Variants in CNTNAP2 observed in about 807,000 individuals in gnomAD.
The protein encoded by CNTNAP2 is contactin-associated protein-like 2.
In CNTNAP2, 98 loss-of-function variants were observed where a neutral mutation model predicts 155.2. The observed-to-expected ratio is 0.63, with a 90% CI of 0.54 to 0.75. The LOEUF is 0.75. Ranked by LOEUF, CNTNAP2 falls within the 30% of genes least tolerant of loss-of-function variation. CNTNAP2 has a pLI of 0.00. For synonymous variants in CNTNAP2, 651 were observed against 631.2 expected, an observed-to-expected ratio of 1.03 and a Z score of -0.47; for missense variants, 1,727 against 1,688.1, an observed-to-expected ratio of 1.02 and a Z score of -0.40.
chr7:146,857,938 CTG>C (rs139166817), intron 3 of CNTNAP2, among the ~76,000 whole-genome samples: 10,102 of 152,186 alleles, frequency 0.066, 396 homozygotes, highest in South Asian at 0.12. Flanking sequence ...GTCAATAAAA[CTG>C]TGAATATGCT....
At chr7:147,165,317 A>C (rs1001736587) in intron 8 of CNTNAP2, among the ~76,000 whole-genome samples, 1 of 151,848 alleles carries the variant, frequency 6.6e-6, no homozygotes, top group Non-Finnish European at 1.5e-5. Flanking sequence ...TTGTCTCTTC[A>C]TGTCCTTATT....
At chr7:146,311,945 A>G (rs1800832343) in intron 1 of CNTNAP2, 4 of 152,144 alleles carry the variant, frequency 2.6e-5, no homozygotes. Context: ...AATATAAATC[A>G]TATTTAAACA....
intron 10 of CNTNAP2, among the ~76,000 whole-genome samples, chr7:147,461,609 T>C (rs1798026617): frequency 2.0e-5 from 3 of 152,190 alleles, no homozygotes; most frequent in Admixed American, 2.0e-4. Flanking sequence ...AATTCTTTTC[T>C]TGAAAGTAGT....
Position 147,363,154 on chromosome 7 carries a change from T to C in CNTNAP2, c.1499-32455T>C, listed in dbSNP as rs185461590. 4.7e-4 allele frequency among the ~76,000 whole-genome samples: 71 copies of C among 152,204 alleles called. 1 individual carries two copies. The highest frequency in any genetic ancestry group is 1.7e-3 in the African/African-American group (69 of 41,534). ...GGAAGGAAATTAGATTCAGATGATA[T>C]CATGAGAGTGTGGTCCTCATGATGG... On this transcript the variant is annotated intron_variant, in intron 9 of 23. Transcript: ENST00000361727.
At chr7:146,241,901 C>T (rs1188054264) in intron 1 of CNTNAP2, among the ~76,000 whole-genome samples, 1 of 151,808 alleles carries the variant, frequency 6.6e-6, no homozygotes, top group Non-Finnish European at 1.5e-5. Flanking sequence ...AAAAATACTA[C>T]CTAGAAGCCT....
intron 1 of CNTNAP2, among the ~76,000 whole-genome samples, chr7:146,435,985 C>A (rs1256354091): frequency 6.6e-6 from 1 of 152,080 alleles, no homozygotes; most frequent in Non-Finnish European, 1.5e-5. Context: ...GTATATTTAC[C>A]AGTATATACT....
At chr7:147,381,457 T>C (rs1796534713) in intron 9 of CNTNAP2, among the ~76,000 whole-genome samples, 1 of 152,186 alleles carries the variant, frequency 6.6e-6, no homozygotes, top group South Asian at 2.1e-4. Flanking sequence ...TTAGATATAC[T>C]AGCAGTTTGT....
intron 10 of CNTNAP2, among the ~76,000 whole-genome samples, chr7:147,422,676 C>T (rs996488323): frequency 6.6e-6 from 1 of 152,112 alleles, no homozygotes; most frequent in Non-Finnish European, 1.5e-5. Context: ...AGATAATTAA[C>T]TAAACTTAAT....
chr7:146,933,198 C>A (rs1399054803), intron 3 of CNTNAP2, among the ~76,000 whole-genome samples: 6 of 151,732 alleles, frequency 4.0e-5, no homozygotes, highest in Non-Finnish European at 7.4e-5. Flanking sequence ...TACTATAAGG[C>A]TACAGTAACC....
intron 1 of CNTNAP2, among the ~76,000 whole-genome samples, chr7:146,573,862 T>TA (rs1180540114): frequency 3.3e-5 from 5 of 152,188 alleles, no homozygotes; most frequent in Non-Finnish European, 7.3e-5. Flanking sequence ...CTTATTTTGT[T>TA]AAATAGGATT....
At chr7:147,551,527 G>A (rs751308942) in intron 11 of CNTNAP2, among the ~76,000 whole-genome samples, 21 of 152,120 alleles carry the variant, frequency 1.4e-4, no homozygotes, top group Non-Finnish European at 2.5e-4. Flanking sequence ...GCCACATTTA[G>A]CAATCATAGC....
chr7:147,766,587 T>G (rs1044634989), intron 13 of CNTNAP2, among the ~76,000 whole-genome samples: 1 of 151,860 alleles, frequency 6.6e-6, no homozygotes, highest in Non-Finnish European at 1.5e-5. Context: ...TGGAACTTTC[T>G]GGATTGTTTA....
intron 8 of CNTNAP2, among the ~76,000 whole-genome samples, chr7:147,291,366 T>C (rs1036776829): frequency 6.6e-6 from 1 of 152,116 alleles, no homozygotes; most frequent in Non-Finnish European, 1.5e-5. Flanking sequence ...TTCCCCTCCC[T>C]GTATCTATTT....
At chr7:146,476,427 A>G (rs998601089) in intron 1 of CNTNAP2, among the ~76,000 whole-genome samples, 1 of 152,354 alleles carries the variant, frequency 6.6e-6, no homozygotes, top group African/African-American at 2.4e-5. Flanking sequence ...ATAAAGCAGC[A>G]TAACTAACTC....
intron 1 of CNTNAP2, among the ~76,000 whole-genome samples, chr7:146,407,586 A>T (rs1011975239): frequency 6.6e-6 from 1 of 152,120 alleles, no homozygotes; most frequent in Non-Finnish European, 1.5e-5. Context: ...AACATAGACA[A>T]CCTCTTCCAG....
At chr7:146,128,023 A>G (rs887904243) in intron 1 of CNTNAP2, among the ~76,000 whole-genome samples, 1 of 152,164 alleles carries the variant, frequency 6.6e-6, no homozygotes, top group Admixed American at 6.5e-5. Flanking sequence ...GCAACTTAGT[A>G]CACACTTCTG....
At chr7:146,828,282 C>T (rs557532342) in intron 2 of CNTNAP2, among the ~76,000 whole-genome samples, 1 of 151,972 alleles carries the variant, frequency 6.6e-6, no homozygotes, top group South Asian at 2.1e-4. Context: ...AAATAATATG[C>T]CCCCTATATT....
In CNTNAP2 at chr7:147,923,145, A is replaced by G. The variant is rs1056482183; in HGVS notation, c.2255+19424A>G. On this transcript the variant is annotated intron_variant, in intron 14 of 23. Coordinates refer to ENST00000361727, the MANE Select transcript of CNTNAP2 (RefSeq NM_014141.6). ...GGGAGATGAGACCACTGTCCATGCAATAATCCCTTTCCCAGTGTTAACAGT... is the reference window on the plus strand; with the variant it reads ...GGGAGATGAGACCACTGTCCATGCAGTAATCCCTTTCCCAGTGTTAACAGT... Among the ~76,000 whole-genome samples the G allele has an allele frequency of 3.9e-5, 6 of 152,298 alleles. No homozygotes were observed. In the East Asian group the frequency reaches 7.7e-4, roughly 20 times the overall value.
intron 1 of CNTNAP2, among the ~76,000 whole-genome samples, chr7:146,615,759 G>T (rs1260880921): frequency 6.6e-6 from 1 of 152,132 alleles, no homozygotes; most frequent in Non-Finnish European, 1.5e-5. Flanking sequence ...TTGTTCCTTG[G>T]TGGGGAGAAA....
Sources: gnomAD v4.1 joint callset for allele counts (sites outside exome capture counted in the v4.1 genomes callset) on GRCh38, gnomAD v4.1.1 for gene constraint, MANE v1.5 for transcripts, NCBI Gene and HGNC (gene_info 2026-07-23, HGNC 2026-07-21) for gene names.